Variants in BAZ1B observed in about 807,000 individuals in gnomAD.
BAZ1B encodes tyrosine-protein kinase BAZ1B.
BAZ1B carries 22 observed loss-of-function variants against 153.8 expected under a neutral mutation model. The observed-to-expected ratio is 0.14, with a 90% CI of 0.10 to 0.20. The LOEUF is 0.20. Ranked by LOEUF, BAZ1B falls within the 10% of genes least tolerant of loss-of-function variation. BAZ1B has a pLI of 1.00. For missense variants in BAZ1B, 1,325 were observed against 1,799.3 expected, an observed-to-expected ratio of 0.74 and a Z score of 4.77; for synonymous variants, 676 against 633.4, an observed-to-expected ratio of 1.07 and a Z score of -1.01.
chr7:73,483,231 C>CT (rs1295762868), intron 6 of BAZ1B, among the ~76,000 whole-genome samples: 1 of 152,176 alleles, frequency 6.6e-6, no homozygotes, highest in Non-Finnish European at 1.5e-5. Context: ...CCACAAATAT[C>CT]TGTCTGCAAC....
chr7:73,506,925 C>G (rs1411754753), intron 3 of BAZ1B, among the ~76,000 whole-genome samples: 11 of 136,022 alleles, frequency 8.1e-5, no homozygotes, highest in South Asian at 2.6e-4. Context: ...GTCCCCCAGG[C>G]TGGAGTGCAG....
chr7:73,482,583 C>T (rs1338374559), intron 6 of BAZ1B, among the ~76,000 whole-genome samples: 2 of 152,140 alleles, frequency 1.3e-5, no homozygotes, highest in African/African-American at 4.8e-5. Context: ...GGGTCTGTTA[C>T]AATAACTGGG....
Position 73,450,985 on chromosome 7 carries a change from C to A in BAZ1B, c.3442G>T (p.Ala1148Ser), listed in dbSNP as rs1023530227. Reference sequence around the variant, plus strand: ...ATTGCTGTCTTCCATTTCTCCAGTGCAGATGCAACCTAAACAGAGACCAAA... The same window carrying A: ...ATTGCTGTCTTCCATTTCTCCAGTGAAGATGCAACCTAAACAGAGACCAAA... ...KMVEEAKVASALEKWKTAIRE... is the reference protein window; with the variant it reads ...KMVEEAKVASSLEKWKTAIRE... The change falls in exon 14 of 20, where the codon GCA (alanine) becomes TCA (serine). Residue 1148 changes from alanine to serine, a missense_variant. Physicochemically the swap from Ala to Ser is moderately conservative, Grantham distance 99. This residue lies in a region of BAZ1B where 431 missense variants were observed against 563.5 expected (regional missense o/e 0.76). Transcript: ENST00000339594. The surrounding 1 kb of genome is among the most constrained non-coding windows in gnomAD (Gnocchi z 4.1). The A allele has an allele frequency of 6.2e-6, 10 of 1,614,020 alleles. No individual in the cohort carries two copies. The highest frequency in any genetic ancestry group is 5.0e-5 in the Admixed American group (3 of 59,996).
At chr7:73,492,410 C>T (rs1554575695) in intron 5 of BAZ1B, among the ~76,000 whole-genome samples, 2 of 152,192 alleles carry the variant, frequency 1.3e-5, no homozygotes, top group Non-Finnish European at 2.9e-5. Context: ...GATCCGCCCA[C>T]CTCGGCCTCC....
intron 13 of BAZ1B, among the ~76,000 whole-genome samples, chr7:73,456,532 T>C (rs1212718678): frequency 6.6e-6 from 1 of 151,994 alleles, no homozygotes; most frequent in Non-Finnish European, 1.5e-5. Flanking sequence ...AAATGGACAA[T>C]AAGCACATGA....
intron 13 of BAZ1B, among the ~76,000 whole-genome samples, chr7:73,456,923 CAG>C (rs1178484471): frequency 3.7e-5 from 4 of 109,046 alleles, no homozygotes; most frequent in South Asian, 3.1e-4. Flanking sequence ...GCCTCGGCGA[CAG>C]AGACTCTGTC....
At chr7:73,444,610 C>T (rs933097766) in intron 16 of BAZ1B, among the ~76,000 whole-genome samples, 3 of 152,230 alleles carry the variant, frequency 2.0e-5, no homozygotes, top group Non-Finnish European at 4.4e-5. Context: ...CCATCAGAAT[C>T]TTTCCAGAGA....
intron 3 of BAZ1B, among the ~76,000 whole-genome samples, chr7:73,499,756 T>G (rs1554576884): frequency 6.6e-6 from 1 of 152,214 alleles, no homozygotes; most frequent in East Asian, 1.9e-4. Flanking sequence ...ACTGACTCAT[T>G]TTTTTCATTA....
chr7:73,446,729 T>G (rs531767353), intron 16 of BAZ1B, among the ~76,000 whole-genome samples: 1 of 152,274 alleles, frequency 6.6e-6, no homozygotes, highest in South Asian at 2.1e-4. Flanking sequence ...TACTGGCATC[T>G]AGTGAGAACA....
In BAZ1B at chr7:73,449,808, C is replaced by T. The variant is rs187354996; in HGVS notation, c.3581-119G>A. Reference sequence around the variant, plus strand: ...ACGAGGAGACATGTTCCATAGAATGCTACCCAGTTGTTGCTTTGTAAATGC... The same window carrying T: ...ACGAGGAGACATGTTCCATAGAATGTTACCCAGTTGTTGCTTTGTAAATGC... On this transcript the variant is annotated intron_variant, in intron 14 of 19. Coordinates refer to ENST00000339594, the MANE Select transcript of BAZ1B (RefSeq NM_032408.4). 3.7e-3 allele frequency: 4,051 copies of T among 1,102,100 alleles called. 5 individuals carry two copies. Among genetic ancestry groups the T allele is most frequent in the Admixed American group, 6.2e-3 (197 of 32,014 alleles). 68.3% of individuals were successfully genotyped at this position (1,102,100 alleles called of 1,614,324 possible). A position where few individuals can be genotyped will look rare whatever the true frequency, so the allele number is the denominator to read the frequency against.
chr7:73,498,476 G>A (rs1554576649), intron 4 of BAZ1B, 21 bp downstream of exon 4: 1 of 1,602,694 alleles, frequency 6.2e-7, no homozygotes, highest in South Asian at 1.1e-5. Context: ...AAACACTAAG[G>A]AAAGCTAATA....
rs1787565292 is a variant in BAZ1B, at chr7:73,440,410, T to A, written c.*1299A>T. The A allele has an allele frequency of 6.6e-6, 1 of 151,834 alleles. No individual in the cohort carries two copies. Among genetic ancestry groups the A allele is most frequent in the Admixed American group, 6.6e-5 (1 of 15,246 alleles). The allele number at this position is 151,834 out of a possible 1,614,324, so 9.4% of individuals were successfully genotyped here. On this transcript the variant is annotated 3_prime_UTR_variant, in exon 20 of 20. Transcript: ENST00000339594. ...CACAAACAGCCACCAGAGTGGTTTC[T>A]TCTTTATAAACACAAGTACATGAGG...
At chr7:73,484,161 G>T (rs1219425197) in intron 6 of BAZ1B, among the ~76,000 whole-genome samples, 1 of 152,172 alleles carries the variant, frequency 6.6e-6, no homozygotes, top group Admixed American at 6.5e-5. Context: ...AGCTACTCGG[G>T]AGGCTGAGGC....
chr7:73,485,041 A>G (rs1789349777), intron 6 of BAZ1B, among the ~76,000 whole-genome samples: 1 of 152,168 alleles, frequency 6.6e-6, no homozygotes, highest in Admixed American at 6.5e-5. Context: ...AGTTATTTCA[A>G]TGTTAACTTC....
intron 6 of BAZ1B, among the ~76,000 whole-genome samples, chr7:73,479,928 C>G (rs1026339736): frequency 1.6e-4 from 25 of 151,954 alleles, no homozygotes; most frequent in Non-Finnish European, 2.9e-4. Flanking sequence ...CCAGCACTTT[C>G]GGAGGCCAAG....
intron 9 of BAZ1B, among the ~76,000 whole-genome samples, chr7:73,469,130 C>CA (rs57498905): frequency 0.13 from 10,117 of 76,104 alleles, 489 homozygotes; most frequent in African/African-American, 0.21. Context: ...AATTCCGTCT[C>CA]AAAAAAAAAA....
Position 73,442,749 on chromosome 7 carries a change from T to C in BAZ1B, c.4070A>G (p.Lys1357Arg), listed in dbSNP as rs781803573. ...CCTGAAGGGCCAGCTGAAGCGGTAC[T>C]TCACGATCTTGTGGAGGATCTCTTC... The part of the protein sequence containing the change: ...KCEEILHKIV[K>R]YRFSWPFREP... Residue 1357 changes from lysine to arginine, a missense_variant, in exon 18 of 20, where the codon AAG becomes AGG. Coordinates refer to ENST00000339594, the MANE Select transcript of BAZ1B (RefSeq NM_032408.4). The C allele has an allele frequency of 3.1e-6, 5 of 1,614,128 alleles. No homozygotes were observed. In the Admixed American group the frequency reaches 5.0e-5, roughly 16 times the overall value.
Position 73,478,259 on chromosome 7 carries a change from G to A in BAZ1B, c.1202C>T (p.Pro401Leu), listed in dbSNP as rs1554573182. The A allele has an allele frequency of 1.2e-6, 2 of 1,614,176 alleles. No homozygotes were observed. Among genetic ancestry groups the A allele is most frequent in the Non-Finnish European group, 1.7e-6 (2 of 1,180,028 alleles). The change falls in exon 7 of 20, where the codon CCT (proline) becomes CTT (leucine). Residue 401 changes from proline (P) to leucine (L), a missense_variant. Transcript: ENST00000339594. ...TTTGCTTCTGCCCTTTGCCTTCAAA[G>A]GCTTGTCACTGTGCTTCCCTGGTTT... is the stretch of plus-strand genomic sequence containing the variant. Reference protein sequence around the residue: ...AKKPGKHSDKPLKAKGRSKGI... With the variant: ...AKKPGKHSDKLLKAKGRSKGI...
intron 2 of BAZ1B, among the ~76,000 whole-genome samples, chr7:73,510,087 C>T (rs1309317244): frequency 6.8e-6 from 1 of 147,650 alleles, no homozygotes; most frequent in African/African-American, 2.5e-5. Context: ...AAATCGTGCC[C>T]CTGCATTCCA....
Sources: allele counts gnomAD v4.1 joint callset (sites outside exome capture counted in the v4.1 genomes callset), GRCh38; gene constraint gnomAD v4.1.1; regional missense constraint gnomAD v4.1.1; non-coding constraint Gnocchi (gnomAD v3.1); transcripts MANE v1.5; gene names NCBI Gene and HGNC (gene_info 2026-07-23, HGNC 2026-07-21).